KLHL2: variants seen among roughly 807,000 people sequenced by gnomAD.
The protein encoded by KLHL2 is kelch-like protein 2.
KLHL2 carries 15 observed loss-of-function variants against 75.8 expected under a neutral mutation model. That is an observed-to-expected ratio of 0.20 (90% CI 0.13 to 0.30). KLHL2 has a LOEUF of 0.30. Ranked by LOEUF, KLHL2 falls within the 10% of genes least tolerant of loss-of-function variation. KLHL2 has a pLI of 1.00. For missense variants in KLHL2, 381 were observed against 741.0 expected (o/e 0.51, Z 5.64); for synonymous variants, 214 against 251.9 (o/e 0.85, Z 1.42).
chr4:165,271,007 A>G (rs12645472), intron 5 of KLHL2, among the ~76,000 whole-genome samples: 8 of 152,128 alleles, frequency 5.3e-5, no homozygotes, highest in Non-Finnish European at 8.8e-5. Context: ...TGGTCTACAT[A>G]TCTACTTATA....
At chr4:165,296,686 A>AT (rs1286162009) in intron 6 of KLHL2, among the ~76,000 whole-genome samples, 1 of 152,192 alleles carries the variant, frequency 6.6e-6, no homozygotes, top group Non-Finnish European at 1.5e-5. Flanking sequence ...ATATGGGATG[A>AT]TAGAAGCAGG....
rs1363427176 is a variant in KLHL2 at position 165,207,916 on chromosome 4, C to A, written c.26+14C>A. On this transcript the variant is annotated intron_variant, in intron 1 of 14. Transcript: ENST00000226725. The surrounding 1 kb of genome is among the most constrained non-coding windows in gnomAD (Gnocchi z 4.2). The stretch of plus-strand genomic sequence containing the variant: ...GCTGCCTCCCGCGTGAGTGAGCGGG[C>A]GGGCGGGCTGCGCCGCTGCGGATAA... 4 of 1,418,800 alleles carry A rather than the reference C, an allele frequency of 2.8e-6. No individual in the cohort carries two copies. The highest frequency in any genetic ancestry group is 2.8e-6 in the Non-Finnish European group (3 of 1,078,186). 87.9% of individuals were successfully genotyped at this position (1,418,800 alleles called of 1,614,324 possible).
intron 5 of KLHL2, among the ~76,000 whole-genome samples, chr4:165,275,536 A>G (rs892589153): frequency 3.3e-5 from 5 of 152,190 alleles, no homozygotes; most frequent in African/African-American, 1.2e-4. Flanking sequence ...ACCACTTCCC[A>G]TACTGAAAAT....
At chr4:165,260,357 A>T (rs916305478) in intron 4 of KLHL2, among the ~76,000 whole-genome samples, 4 of 152,228 alleles carry the variant, frequency 2.6e-5, no homozygotes, top group Non-Finnish European at 1.5e-5. Context: ...ATCAAAAAAA[A>T]TTATATGTGA....
intron 5 of KLHL2, among the ~76,000 whole-genome samples, chr4:165,273,882 G>T (rs1742878030): frequency 6.6e-6 from 1 of 152,196 alleles, no homozygotes; most frequent in African/African-American, 2.4e-5. Context: ...CATGCAGTAA[G>T]ATGTCTATAG....
intron 6 of KLHL2, 83 bp from the exon 7 acceptor site, chr4:165,297,526 A>G (rs1745008415): frequency 3.7e-6 from 3 of 814,762 alleles, no homozygotes; most frequent in East Asian, 4.9e-5. Context: ...AGAGTTATAT[A>G]TAAAATGTAG....
At chr4:165,238,421 C>T (rs1016982721) in intron 3 of KLHL2, among the ~76,000 whole-genome samples, 6 of 152,142 alleles carry the variant, frequency 3.9e-5, no homozygotes, top group Admixed American at 2.0e-4. Flanking sequence ...GCAGTAACAT[C>T]GTTACTCTTC....
intron 3 of KLHL2, among the ~76,000 whole-genome samples, chr4:165,229,815 C>A (rs1288462462): frequency 1.3e-5 from 2 of 152,208 alleles, no homozygotes; most frequent in African/African-American, 2.4e-5. Flanking sequence ...TTTCCCCAGA[C>A]CTGATGGATT....
intron 5 of KLHL2, among the ~76,000 whole-genome samples, chr4:165,284,807 T>C (rs1295054766): frequency 6.6e-6 from 1 of 152,224 alleles, no homozygotes; most frequent in East Asian, 1.9e-4. Flanking sequence ...AAAGGTTTAT[T>C]GGACTTAACA....
intron 4 of KLHL2, among the ~76,000 whole-genome samples, chr4:165,260,940 TGTAA>T (rs1400508404): frequency 6.6e-6 from 1 of 152,212 alleles, no homozygotes; most frequent in Non-Finnish European, 1.5e-5. Flanking sequence ...ACCAACAATG[TGTAA>T]GTGAGCCTGT....
At chr4:165,285,148 A>C (rs570887477) in intron 5 of KLHL2, among the ~76,000 whole-genome samples, 50 of 152,368 alleles carry the variant, frequency 3.3e-4, no homozygotes, top group African/African-American at 1.2e-3. Flanking sequence ...TGTGTAAACT[A>C]CAGCCAGATA....
intron 8 of KLHL2, among the ~76,000 whole-genome samples, chr4:165,303,744 G>A (rs1430782423): frequency 6.6e-6 from 1 of 150,930 alleles, no homozygotes; most frequent in Non-Finnish European, 1.5e-5. Context: ...TGTATTTTTG[G>A]TAGAGACGGG....
chr4:165,226,142 T>C (rs1459637045), intron 2 of KLHL2, among the ~76,000 whole-genome samples: 1 of 152,238 alleles, frequency 6.6e-6, no homozygotes, highest in Non-Finnish European at 1.5e-5. Context: ...AAAGATGCAC[T>C]TGACTCATGT....
chr4:165,321,606 G>A (rs1209773441), intron 14 of KLHL2, among the ~76,000 whole-genome samples: 2 of 152,154 alleles, frequency 1.3e-5, no homozygotes, highest in Admixed American at 1.3e-4. Flanking sequence ...ACTGCGTGGA[G>A]GGTCAGCACC....
At position 165,297,639 on chromosome 4, in the gene KLHL2, C is replaced by G; in HGVS notation, c.685C>G (p.His229Asp). 1 of 1,613,196 alleles carries G rather than the reference C, an allele frequency of 6.2e-7. No homozygotes were observed. Among genetic ancestry groups the G allele is most frequent in the Non-Finnish European group, 8.5e-7 (1 of 1,179,218 alleles). Residue 229 changes from histidine (H) to aspartate (D), a missense_variant, in exon 7 of 15, where the codon CAT becomes GAT. By Grantham distance (81) the His-to-Asp change is moderately conservative. Transcript: ENST00000226725. Reference sequence around the variant, plus strand: ...TGAAGCAGTAATAGCATGGGTGAACCATGACAAGGATGTGAGGCAAGAGTT... The same window carrying G: ...TGAAGCAGTAATAGCATGGGTGAACGATGACAAGGATGTGAGGCAAGAGTT... ...VFEAVIAWVN[H>D]DKDVRQEFMA...
At chr4:165,244,127 G>A (rs1429047728) in intron 4 of KLHL2, among the ~76,000 whole-genome samples, 2 of 151,880 alleles carry the variant, frequency 1.3e-5, no homozygotes, top group African/African-American at 4.8e-5. Flanking sequence ...GAATTATACA[G>A]TTTCTCTTTC....
At chr4:165,271,192 T>C (rs1398121587) in intron 5 of KLHL2, among the ~76,000 whole-genome samples, 1 of 151,980 alleles carries the variant, frequency 6.6e-6, no homozygotes, top group African/African-American at 2.4e-5. Flanking sequence ...CTGTGAAGAG[T>C]GATGGCATTT....
At chr4:165,293,955 T>C (rs1378993139) in intron 5 of KLHL2, among the ~76,000 whole-genome samples, 1 of 152,192 alleles carries the variant, frequency 6.6e-6, no homozygotes, top group Non-Finnish European at 1.5e-5. Context: ...TGATATGACA[T>C]GTAGGATATG....
At chr4:165,233,008 T>C (rs1168302326) in intron 3 of KLHL2, among the ~76,000 whole-genome samples, 5 of 150,230 alleles carry the variant, frequency 3.3e-5, no homozygotes, top group Admixed American at 6.7e-5. Context: ...GGAGTTTCCC[T>C]ACTCTTCTTT....
Sources: gnomAD v4.1 joint callset for allele counts (sites outside exome capture counted in the v4.1 genomes callset) on GRCh38, gnomAD v4.1.1 for gene constraint, Gnocchi (gnomAD v3.1) non-coding constraint, MANE v1.5 for transcripts, NCBI Gene and HGNC (gene_info 2026-07-23, HGNC 2026-07-21) for gene names.